The following STAB1 variants were observed in gnomAD, a reference collection of about 807,000 sequenced individuals.
The protein encoded by STAB1 is stabilin-1.
In STAB1, 250 loss-of-function variants were observed where a neutral mutation model predicts 332.4. The observed-to-expected ratio is 0.75, with a 90% CI of 0.68 to 0.84. The LOEUF is 0.84. STAB1 is among the 40% of genes least tolerant of loss of function. STAB1 has a pLI of 0.00. For synonymous variants in STAB1, 1,475 were observed against 1,390.4 expected (o/e 1.06, Z -1.35); for missense variants, 3,249 against 3,489.7 (o/e 0.93, Z 1.74).
rs941587442 is a variant in STAB1, at chr3:52,495,427, G to A, written c.14G>A (p.Arg5Gln). The change falls in exon 1 of 69, where the codon CGG becomes CAG. Residue 5 changes from arginine (R) to glutamine (Q), a missense_variant. By Grantham distance (43) the Arg-to-Gln change is conservative (BLOSUM62 1). Coordinates refer to ENST00000321725, the MANE Select transcript of STAB1 (RefSeq NM_015136.3). MAGP[R>Q]GLLPLCLLAF... ...TGCCCACCAGCCATGGCGGGGCCCC[G>A]GGGCCTCCTCCCACTCTGCCTCCTG... 8 of 1,336,050 alleles carry A rather than the reference G, an allele frequency of 6.0e-6. No homozygotes were observed. The highest frequency in any genetic ancestry group is 6.3e-5 in the Admixed American group (2 of 31,818). 82.8% of individuals were successfully genotyped at this position (1,336,050 alleles called of 1,614,324 possible). A position where few individuals can be genotyped will look rare whatever the true frequency, so the allele number is the denominator to read the frequency against.
intron 37 of STAB1, 87 bp downstream of exon 37, chr3:52,515,593 C>T: frequency 7.1e-7 from 1 of 1,409,698 alleles, no homozygotes; most frequent in Non-Finnish European, 9.9e-7. Context: ...CAGTTTGGAT[C>T]TTAAGGACAG....
intron 22 of STAB1, 65 bp downstream of exon 22, chr3:52,509,386 G>A (rs962702195): frequency 1.4e-6 from 2 of 1,429,636 alleles, no homozygotes; most frequent in African/African-American, 2.8e-5. Flanking sequence ...ATGGGTCTGG[G>A]GGCTCTCAAG....
rs193066312 is a variant in STAB1 at position 52,502,972 on chromosome 3, C to T, written c.584-27C>T. The T allele has an allele frequency of 5.9e-6, 9 of 1,514,130 alleles. No homozygotes were observed. The African/African-American group carries it at 1.1e-4, about 18-fold the overall frequency. 93.8% of individuals were successfully genotyped at this position (1,514,130 alleles called of 1,614,324 possible). On this transcript the variant is annotated intron_variant, in intron 6 of 68. Transcript: ENST00000321725. ...TTCCTCCCCAGCCTGGGCTTGGGCT[C>T]ATCAGTGCTCTCTCCACTCTGCGCA...
Position 52,503,002 on chromosome 3 carries a change from T to G in STAB1, c.587T>G (p.Leu196Arg), listed in dbSNP as rs977754604. ...GYTGPHCDQELPVCQELRCPQ... is the reference protein window; with the variant it reads ...GYTGPHCDQERPVCQELRCPQ... ...GTGCTCTCTCCACTCTGCGCAGAGC[T>G]GCCCGTCTGCCAGGAGCTGCGCTGT... The change falls in exon 7 of 69, where the codon CTG (leucine) becomes CGG (arginine). Residue 196 changes from leucine to arginine, a missense_variant. Transcript: ENST00000321725. 1.3e-6 allele frequency: 2 copies of G among 1,578,262 alleles called. No individual in the cohort carries two copies. Among genetic ancestry groups the G allele is most frequent in the African/African-American group, 2.7e-5 (2 of 74,350 alleles).
At chr3:52,511,544 T>C in intron 25 of STAB1, 106 bp from the exon 26 acceptor site, 1 of 1,021,762 alleles carries the variant, frequency 9.8e-7, no homozygotes, top group Non-Finnish European at 1.4e-6. Flanking sequence ...CTCTGGGGTC[T>C]GGGCAGACCT....
In STAB1 at chr3:52,510,155, G is replaced by C. The variant is rs1449736716; in HGVS notation, c.2548G>C (p.Asp850His). The change falls in exon 24 of 69, where the codon GAT becomes CAT. Residue 850 changes from aspartate (D) to histidine (H), a missense_variant. Physicochemically the swap from Asp to His is moderately conservative, Grantham distance 81 (BLOSUM62 -1). Coordinates refer to ENST00000321725, the MANE Select transcript of STAB1 (RefSeq NM_015136.3). The stretch of plus-strand genomic sequence containing the variant: ...ACCCACCCCCAGATGTCGCTGTCTT[G>C]ATGGCTTTGAGGGTGATGGCTTCTC... ...QEGVARCRCL[D>H]GFEGDGFSCT... 6.2e-7 allele frequency: 1 copy of C among 1,613,998 alleles called. No homozygotes were observed. Among genetic ancestry groups the C allele is most frequent in the South Asian group, 1.1e-5 (1 of 91,084 alleles).
chr3:52,515,765 C>G (rs1022248830), intron 37 of STAB1, among the ~76,000 whole-genome samples: 2 of 152,162 alleles, frequency 1.3e-5, no homozygotes, highest in Non-Finnish European at 2.9e-5. Flanking sequence ...GTTCCATCAG[C>G]GAAACCCCAG....
rs1371208452 is a variant in STAB1 at position 52,523,135 on chromosome 3, G to A, written c.7020+1G>A. On this transcript the variant is annotated splice_donor_variant, in intron 63 of 68. Transcript: ENST00000321725. LOFTEE classifies it high-confidence loss of function. ...TGCCAACTTCTCCACCTTCTATGGG[G>A]TGTGTGGGGGCCACCCTTGGGGGCG... 5.6e-6 allele frequency: 9 copies of A among 1,601,302 alleles called. No individual in the cohort carries two copies. Among genetic ancestry groups the A allele is most frequent in the African/African-American group, 1.3e-5 (1 of 74,868 alleles).
At chr3:52,511,414 G>A (rs1055255483) in intron 25 of STAB1, among the ~76,000 whole-genome samples, 3 of 152,194 alleles carry the variant, frequency 2.0e-5, no homozygotes, top group African/African-American at 7.2e-5. Context: ...AAGTCTCCAC[G>A]GATGCTTCTC....
chr3:52,518,907 C>CCCGCCCCGCCCCGCCCCGCCCCGTG, intron 48 of STAB1, 38 bp downstream of exon 48: 1 of 1,344,486 alleles, frequency 7.4e-7, no homozygotes, highest in Non-Finnish European at 9.5e-7. Context: ...TCCATCCCGC[C>CCCGCCCCGCCCCGCCCCGCCCCGTG]CCGCCCCGCC....
intron 16 of STAB1, 89 bp from the exon 17 acceptor site, chr3:52,506,081 G>A (rs1272194209): frequency 6.6e-6 from 10 of 1,511,632 alleles, no homozygotes; most frequent in South Asian, 4.7e-5. Context: ...GGGACCAAGG[G>A]GGTGGCTGTG....
Position 52,516,159 on chromosome 3 carries a change from G to A in STAB1, c.4065G>A (p.Glu1355=), listed in dbSNP as rs781061813. ...AGGACAGGTTCCTGGGCAGCGGGGA[G>A]TGCCACTGCCACGAGGGCTTCCATG... ...QCQDRFLGSG[E]CHCHEGFHGT... Residue 1355 remains glutamate, a synonymous_variant, in exon 38 of 69, where the codon GAG becomes GAA. Coordinates refer to ENST00000321725, the MANE Select transcript of STAB1 (RefSeq NM_015136.3). 3.1e-6 allele frequency: 5 copies of A among 1,612,348 alleles called. No individual in the cohort carries two copies. The South Asian group carries it at 4.4e-5, about 14-fold the overall frequency.
chr3:52,514,224 G>A lies in STAB1; in HGVS notation c.3546+11G>A. 1 of 1,612,714 alleles carries A rather than the reference G, an allele frequency of 6.2e-7. No homozygotes were observed. Among genetic ancestry groups the A allele is most frequent in the Non-Finnish European group, 8.5e-7 (1 of 1,179,832 alleles). ...AACAGCAGTCACCTGGTGAGGCCGTGGGGATGGGGCAATGGCAGGGAGGGC... is the reference window on the plus strand; with the variant it reads ...AACAGCAGTCACCTGGTGAGGCCGTAGGGATGGGGCAATGGCAGGGAGGGC... On this transcript the variant is annotated intron_variant, in intron 33 of 68. Coordinates refer to ENST00000321725, the MANE Select transcript of STAB1 (RefSeq NM_015136.3).
chr3:52,501,470 G>A, intron 2 of STAB1, 168 bp downstream of exon 2: 2 of 1,161,236 alleles, frequency 1.7e-6, no homozygotes, highest in South Asian at 2.9e-5. Flanking sequence ...TAAAGGCGAG[G>A]GGCAGGAGGG....
In STAB1 at chr3:52,521,434, G is replaced by C. The variant is rs2079068582; in HGVS notation, c.5982G>C (p.Gln1994His). ...VCMDGMSGSG[Q>H]CLCRSGFAGT... ...TGGACGGCATGAGTGGCAGTGGGCA[G>C]TGTCTGTGCCGTTCAGGTTTTGCTG... Residue 1994 changes from glutamine to histidine, a missense_variant, in exon 56 of 69, where the codon CAG becomes CAC. Transcript: ENST00000321725. The C allele has an allele frequency of 1.1e-5, 18 of 1,613,956 alleles. No homozygotes were observed. Among genetic ancestry groups the C allele is most frequent in the Non-Finnish European group, 1.5e-5 (18 of 1,180,044 alleles).
At position 52,519,285 on chromosome 3, in the gene STAB1, T is replaced by G. The variant is rs201913248; in HGVS notation, c.5056T>G (p.Phe1686Val). Residue 1686 changes from phenylalanine to valine, a missense_variant, in exon 49 of 69, where the codon TTC becomes GTC. Transcript: ENST00000321725. ...EREGSIYLND[F>V]ARVVSSDHEA... Reference sequence around the variant, plus strand: ...CCAGGGCAGCATATACCTCAATGACTTCGCGCGCGTGGTGAGCAGCGACCA... The same window carrying G: ...CCAGGGCAGCATATACCTCAATGACGTCGCGCGCGTGGTGAGCAGCGACCA... 300 of 1,612,918 alleles carry G rather than the reference T, an allele frequency of 1.9e-4. No individual in the cohort carries two copies. Among genetic ancestry groups the G allele is most frequent in the Admixed American group, 6.0e-4 (36 of 60,020 alleles).
At position 52,509,890 on chromosome 3, in the gene STAB1, C is replaced by G; in HGVS notation, c.2368C>G (p.Leu790Val). The change falls in exon 23 of 69, where the codon CTC becomes GTC. Residue 790 changes from leucine to valine, a missense_variant. Physicochemically the swap from Leu to Val is conservative, Grantham distance 32. Transcript: ENST00000321725. ...TACAGACTGCGGCTGTGTCCATGGT[C>G]TCTGCGACAACCGCCCAGGCAGTGG... ...CQEDCGCVHG[L>V]CDNRPGSGGV... is the part of the protein sequence containing the mutation. The G allele has an allele frequency of 1.2e-6, 2 of 1,613,062 alleles. No homozygotes were observed. The highest frequency in any genetic ancestry group is 1.7e-6 in the Non-Finnish European group (2 of 1,180,024).
At chr3:52,503,727 T>C in intron 8 of STAB1, 45 bp from the exon 9 acceptor site, 1 of 1,610,604 alleles carries the variant, frequency 6.2e-7, no homozygotes, top group Non-Finnish European at 8.5e-7. Context: ...CCAGTGGTTC[T>C]TGGGGTTGGA....
chr3:52,508,358 A>G lies in STAB1; in HGVS notation c.2234A>G (p.Asn745Ser). ...TCCAACCCCTGCTATGGCAAAGGCA[A>G]TGTGAGTCCCATCCTCTCCTGGGGT... ...GFSNPCYGKG[N>S]CSDGIQGNGA... Residue 745 changes from asparagine to serine, a missense_variant and splice_region_variant, in exon 21 of 69, where the codon AAT (asparagine) becomes AGT (serine). Asn to Ser is a conservative substitution (Grantham distance 46, BLOSUM62 1). Transcript: ENST00000321725. 1 of 1,613,694 alleles carries G rather than the reference A, an allele frequency of 6.2e-7. No homozygotes were observed. Among genetic ancestry groups the G allele is most frequent in the Non-Finnish European group, 8.5e-7 (1 of 1,179,990 alleles).
Sources: allele counts gnomAD v4.1 joint callset (sites outside exome capture counted in the v4.1 genomes callset), GRCh38; gene constraint gnomAD v4.1.1; transcripts MANE v1.5; gene names NCBI Gene and HGNC (gene_info 2026-07-23, HGNC 2026-07-21).